The following ABCA12 variants were observed in gnomAD, a reference collection of about 807,000 sequenced individuals.
The protein encoded by ABCA12 is glucosylceramide transporter ABCA12.
In ABCA12, 156 loss-of-function variants were observed where a neutral mutation model predicts 293.5. The ratio of observed to expected loss-of-function variants is 0.53; its 90% CI spans 0.47 to 0.61. ABCA12 has a LOEUF of 0.61. Among genes scored for constraint, ABCA12 ranks in the 20% least tolerant of loss-of-function variants. The pLI is 0.00. For synonymous variants in ABCA12, 1,063 were observed against 1,108.0 expected (o/e 0.96, Z 0.81); for missense variants, 2,797 against 3,090.2 (o/e 0.91, Z 2.25).
rs748949261 is a variant in ABCA12, at chr2:214,987,635, G to A, written c.3976+12C>T. ...CTCATAACAAAGCACGCTGTTGACCGACTTGTCTTACTGGCAGATGGGTTG... is the reference window on the plus strand; with the variant it reads ...CTCATAACAAAGCACGCTGTTGACCAACTTGTCTTACTGGCAGATGGGTTG... On this transcript the variant is annotated intron_variant, in intron 27 of 52. Coordinates refer to ENST00000272895, the MANE Select transcript of ABCA12 (RefSeq NM_173076.3). The A allele has an allele frequency of 1.8e-5, 29 of 1,607,814 alleles. No homozygotes were observed. The highest frequency in any genetic ancestry group is 8.8e-5 in the South Asian group (8 of 90,540).
intron 13 of ABCA12, among the ~76,000 whole-genome samples, chr2:215,018,792 C>CT (rs138752583): frequency 0.011 from 1,614 of 152,140 alleles, 22 homozygotes; most frequent in African/African-American, 0.037. Flanking sequence ...GCAAATATAT[C>CT]TTTTTTTTAT....
At chr2:215,104,678 A>G (rs548342531) in intron 2 of ABCA12, among the ~76,000 whole-genome samples, 1 of 152,376 alleles carries the variant, frequency 6.6e-6, no homozygotes, top group South Asian at 2.1e-4. Context: ...GAGGAAGTAC[A>G]GGATGGGTCT....
chr2:215,101,675 T>C (rs1702359799), intron 2 of ABCA12, among the ~76,000 whole-genome samples: 1 of 152,226 alleles, frequency 6.6e-6, no homozygotes, highest in African/African-American at 2.4e-5. Flanking sequence ...GGGTTATGGC[T>C]AACCTTGCAC....
intron 2 of ABCA12, among the ~76,000 whole-genome samples, chr2:215,097,836 A>G (rs1338903111): frequency 6.6e-6 from 1 of 152,212 alleles, no homozygotes; most frequent in Non-Finnish European, 1.5e-5. Flanking sequence ...TCTGGATTAT[A>G]TATTTAATGC....
intron 20 of ABCA12, 22 bp from the exon 21 acceptor site, chr2:215,001,759 GAC>G (rs975215048): frequency 1.9e-6 from 3 of 1,600,388 alleles, no homozygotes; most frequent in Non-Finnish European, 2.6e-6. Flanking sequence ...AAGCAAAAGA[GAC>G]AAAAAAAAAT....
intron 2 of ABCA12, among the ~76,000 whole-genome samples, chr2:215,098,671 G>A (rs1702293727): frequency 6.6e-6 from 1 of 152,240 alleles, no homozygotes; most frequent in African/African-American, 2.4e-5. Context: ...CTACAGACAT[G>A]AGTGACTCTG....
chr2:215,020,241 GA>G (rs1438356240), intron 11 of ABCA12, among the ~76,000 whole-genome samples: 1 of 151,502 alleles, frequency 6.6e-6, no homozygotes, highest in Non-Finnish European at 1.5e-5. Context: ...ACAAGTGTTG[GA>G]GAAGATGTGG....
At chr2:214,958,488 T>G in intron 40 of ABCA12, 34 bp from the exon 41 acceptor site, 1 of 1,607,502 alleles carries the variant, frequency 6.2e-7, no homozygotes, top group South Asian at 1.1e-5. Context: ...AAAACACACA[T>G]AAGTTTTTGA....
At chr2:215,114,044 G>A (rs188353838) in intron 1 of ABCA12, among the ~76,000 whole-genome samples, 18 of 152,166 alleles carry the variant, frequency 1.2e-4, no homozygotes, top group African/African-American at 3.6e-4. Context: ...GTGCAACCTC[G>A]GCTCACTGCA....
chr2:215,135,763 C>T (rs922142762), intron 1 of ABCA12, among the ~76,000 whole-genome samples: 3 of 151,940 alleles, frequency 2.0e-5, no homozygotes, highest in Admixed American at 1.3e-4. Flanking sequence ...CATTTTATCC[C>T]CCTTTAGATC....
rs200192565 is a variant in ABCA12 at position 215,031,878 on chromosome 2, G to A, written c.1004C>T (p.Thr335Met). ...SPAQGDSDNI[T>M]HVWNEDDGQT... The stretch of plus-strand genomic sequence containing the variant: ...TCCATCATCCTCATTCCACACATGC[G>A]TTATATTATCGGAGTCACCTGAAGT... The change falls in exon 9 of 53, where the codon ACG becomes ATG. Residue 335 changes from threonine to methionine, a missense_variant. This residue lies in a region of ABCA12 where 656 missense variants were observed against 638.2 expected (regional missense o/e 1.03). Coordinates refer to ENST00000272895, the MANE Select transcript of ABCA12 (RefSeq NM_173076.3). 7.0e-5 allele frequency: 113 copies of A among 1,613,710 alleles called. 1 individual carries two copies. Among genetic ancestry groups the A allele is most frequent in the Non-Finnish European group, 8.6e-5 (102 of 1,179,902 alleles).
chr2:215,016,092 T>G (rs1700491122), intron 14 of ABCA12, among the ~76,000 whole-genome samples: 1 of 149,400 alleles, frequency 6.7e-6, no homozygotes, highest in African/African-American at 2.5e-5. Context: ...TGCAGTGAGC[T>G]GAGATTGCGC....
chr2:215,129,126 GCA>G (rs1559210567), intron 1 of ABCA12, among the ~76,000 whole-genome samples: 1 of 152,312 alleles, frequency 6.6e-6, no homozygotes, highest in East Asian at 1.9e-4. Flanking sequence ...TGGGTTGTCT[GCA>G]CAGAGTCCTG....
intron 28 of ABCA12, among the ~76,000 whole-genome samples, chr2:214,986,108 A>G (rs2105971004): frequency 6.6e-6 from 1 of 152,328 alleles, no homozygotes; most frequent in African/African-American, 2.4e-5. Flanking sequence ...ACTTATATAT[A>G]TGCCAGGTTA....
At chr2:214,983,334 C>T (rs1282989599) in intron 29 of ABCA12, among the ~76,000 whole-genome samples, 1 of 152,092 alleles carries the variant, frequency 6.6e-6, no homozygotes, top group Admixed American at 6.5e-5. Flanking sequence ...ACAGATTTCA[C>T]AAGAGATGAG....
At chr2:215,127,788 C>T (rs1227020808) in intron 1 of ABCA12, among the ~76,000 whole-genome samples, 1 of 152,142 alleles carries the variant, frequency 6.6e-6, no homozygotes, top group African/African-American at 2.4e-5. Flanking sequence ...CATTTGCATT[C>T]ATTGTTGGTA....
chr2:215,136,084 G>T (rs778079930), intron 1 of ABCA12, among the ~76,000 whole-genome samples: 1 of 152,082 alleles, frequency 6.6e-6, no homozygotes, highest in South Asian at 2.1e-4. Context: ...TCACTCTGCC[G>T]TGAAGACTTA....
intron 6 of ABCA12, among the ~76,000 whole-genome samples, chr2:215,049,371 C>T (rs1055192629): frequency 1.3e-4 from 19 of 151,520 alleles, no homozygotes; most frequent in African/African-American, 4.4e-4. Context: ...TAGAGCAAAG[C>T]CATATTTTAT....
At chr2:215,075,442 T>G (rs935242782) in intron 2 of ABCA12, 1 of 615,558 alleles carries the variant, frequency 1.6e-6, no homozygotes, top group African/African-American at 1.9e-5. Flanking sequence ...AGTACTCTAG[T>G]GAGTGAAGGT....
Sources: allele counts gnomAD v4.1 joint callset (sites outside exome capture counted in the v4.1 genomes callset), GRCh38; gene constraint gnomAD v4.1.1; regional missense constraint gnomAD v4.1.1; transcripts MANE v1.5; gene names NCBI Gene and HGNC (gene_info 2026-07-23, HGNC 2026-07-21).